The following PAPPA variants were observed in gnomAD, a reference collection of about 807,000 sequenced individuals.
PAPPA encodes pappalysin-1.
In PAPPA, 60 loss-of-function variants were observed where a neutral mutation model predicts 164.0. That is an observed-to-expected ratio of 0.37 (90% CI 0.30 to 0.45). PAPPA has a LOEUF of 0.45. Among genes scored for constraint, PAPPA ranks in the 20% least tolerant of loss-of-function variants. PAPPA has a pLI of 1.00. For missense variants in PAPPA, 1,782 were observed against 2,087.3 expected, an observed-to-expected ratio of 0.85 and a Z score of 2.85; for synonymous variants, 875 against 814.1, an observed-to-expected ratio of 1.07 and a Z score of -1.27.
At chr9:116,272,181 G>A (rs993689102) in intron 9 of PAPPA, among the ~76,000 whole-genome samples, 1 of 152,176 alleles carries the variant, frequency 6.6e-6, no homozygotes, top group African/African-American at 2.4e-5. Context: ...GGGCAGGGGT[G>A]GAATTTTGAG....
chr9:116,183,622 T>C (rs1207873119), intron 1 of PAPPA, among the ~76,000 whole-genome samples: 1 of 152,192 alleles, frequency 6.6e-6, no homozygotes, highest in Non-Finnish European at 1.5e-5. Context: ...CCCAACCTTA[T>C]TGAAGCTCGG....
chr9:116,214,029 G>A (rs1383149111), intron 4 of PAPPA, among the ~76,000 whole-genome samples: 5 of 152,082 alleles, frequency 3.3e-5, no homozygotes, highest in Non-Finnish European at 7.3e-5. Flanking sequence ...TTCTTCCTCA[G>A]GCCTGATCAC....
In PAPPA at chr9:116,187,336, G is replaced by A. The variant is rs1038279802; in HGVS notation, c.598G>A (p.Ala200Thr). ...SYLPGQWVYLAATYDGQFMKL... is the reference protein window; with the variant it reads ...SYLPGQWVYLTATYDGQFMKL... ...CCTCCCAGGCCAGTGGGTATACCTA[G>A]CTGCCACCTATGATGGGCAGTTCAT... The change falls in exon 2 of 22, where the codon GCT becomes ACT. Residue 200 changes from alanine (A) to threonine (T), a missense_variant. Physicochemically the swap from Ala to Thr is moderately conservative, Grantham distance 58. Coordinates refer to ENST00000328252, the MANE Select transcript of PAPPA (RefSeq NM_002581.5). This position sits in a 1 kb window ranked among gnomAD's most constrained non-coding sequence, Gnocchi z 4.2. 1 of 1,614,002 alleles carries A rather than the reference G, an allele frequency of 6.2e-7. No homozygotes were observed. The highest frequency in any genetic ancestry group is 1.7e-5 in the Admixed American group (1 of 60,008).
intron 5 of PAPPA, among the ~76,000 whole-genome samples, chr9:116,225,328 T>C (rs901529738): frequency 2.0e-5 from 3 of 152,228 alleles, no homozygotes; most frequent in Non-Finnish European, 2.9e-5. Context: ...TGAGTATATT[T>C]GTATAATTGT....
intron 9 of PAPPA, among the ~76,000 whole-genome samples, chr9:116,284,230 G>C (rs1233127559): frequency 1.3e-5 from 2 of 152,180 alleles, no homozygotes; most frequent in East Asian, 3.9e-4. Flanking sequence ...GTCCCCGGAA[G>C]AGATTGAGCA....
chr9:116,337,258 A>AAT (rs1318746144), intron 13 of PAPPA, among the ~76,000 whole-genome samples: 5 of 152,164 alleles, frequency 3.3e-5, no homozygotes, highest in Non-Finnish European at 2.9e-5. Context: ...TCAGGCTATG[A>AAT]CAGGCTGAAT....
rs371211464 is a variant in PAPPA at position 116,207,436 on chromosome 9, A to T, written c.1479-20A>T. 6.3e-7 allele frequency: 1 copy of T among 1,595,356 alleles called. No homozygotes were observed. Among genetic ancestry groups the T allele is most frequent in the Non-Finnish European group, 8.5e-7 (1 of 1,170,186 alleles). ...CTTTTTGGGGGCATGATAACAGCCAAGGTTCTTTTTCTGTTTCAGAGCCTA... is the reference window on the plus strand; with the variant it reads ...CTTTTTGGGGGCATGATAACAGCCATGGTTCTTTTTCTGTTTCAGAGCCTA... On this transcript the variant is annotated intron_variant, in intron 2 of 21. Coordinates refer to ENST00000328252, the MANE Select transcript of PAPPA (RefSeq NM_002581.5).
Position 116,154,891 on chromosome 9 carries a change from G to C in PAPPA, c.415+304G>C, listed in dbSNP as rs544800955. Among the ~76,000 whole-genome samples the C allele has an allele frequency of 8.7e-4, 132 of 152,226 alleles. No individual in the cohort carries two copies. The highest frequency in any genetic ancestry group is 1.5e-3 in the Non-Finnish European group (103 of 68,028). ...CCGGAGCCTAGGGCACGTAACCCGT[G>C]CTCCGAATGGTCAGATGCACTCTCT... On this transcript the variant is annotated intron_variant, in intron 1 of 21. Coordinates refer to ENST00000328252, the MANE Select transcript of PAPPA (RefSeq NM_002581.5). This position sits in a 1 kb window ranked among gnomAD's most constrained non-coding sequence, Gnocchi z 5.2.
At chr9:116,237,054 A>G (rs1427690272) in intron 7 of PAPPA, among the ~76,000 whole-genome samples, 1 of 152,242 alleles carries the variant, frequency 6.6e-6, no homozygotes, top group East Asian at 1.9e-4. Context: ...ATGTAAGACA[A>G]TCTCTGCTCT....
chr9:116,360,566 T>A lies in PAPPA; in HGVS notation c.4348-2026T>A, dbSNP rs901422943. Reference sequence around the variant, plus strand: ...AGGAGTTTATTCATTTTCTCATACATTCATTCATAATTTATTCCCTCATTC... The same window carrying A: ...AGGAGTTTATTCATTTTCTCATACAATCATTCATAATTTATTCCCTCATTC... On this transcript the variant is annotated intron_variant, in intron 17 of 21. Transcript: ENST00000328252. Among the ~76,000 whole-genome samples the A allele has an allele frequency of 3.3e-5, 5 of 152,218 alleles. No individual in the cohort carries two copies. The South Asian group carries it at 1.0e-3, about 32-fold the overall frequency.
intron 1 of PAPPA, among the ~76,000 whole-genome samples, chr9:116,175,941 A>G (rs1003946125): frequency 6.6e-6 from 1 of 152,218 alleles, no homozygotes; most frequent in Non-Finnish European, 1.5e-5. Context: ...TGCCCTCAAC[A>G]ACTACATGTG....
chr9:116,310,393 G>T (rs1845701914), intron 10 of PAPPA, among the ~76,000 whole-genome samples: 1 of 152,170 alleles, frequency 6.6e-6, no homozygotes, highest in East Asian at 1.9e-4. Context: ...TTTTTCAAGA[G>T]CACGTGTGCA....
At chr9:116,331,128 T>G in intron 10 of PAPPA, 116 bp from the exon 11 acceptor site, 2 of 647,954 alleles carry the variant, frequency 3.1e-6, no homozygotes, top group Non-Finnish European at 5.4e-6. Context: ...TCATCCCTGT[T>G]TTTTCCTGTG....
At chr9:116,288,253 C>A (rs1429137599) in intron 9 of PAPPA, among the ~76,000 whole-genome samples, 1 of 152,026 alleles carries the variant, frequency 6.6e-6, no homozygotes, top group Non-Finnish European at 1.5e-5. Context: ...CCTGTAATCC[C>A]AGCTACTTGG....
chr9:116,363,752 AAC>A (rs1315946230), intron 18 of PAPPA, among the ~76,000 whole-genome samples: 17 of 152,186 alleles, frequency 1.1e-4, no homozygotes, highest in African/African-American at 3.9e-4. Context: ...TCATCCAGCA[AAC>A]AGAGAGTTAT....
At position 116,187,453 on chromosome 9, in the gene PAPPA, A is replaced by C. The variant is rs377335507; in HGVS notation, c.715A>C (p.Met239Leu). 55 of 1,614,080 alleles carry C rather than the reference A, an allele frequency of 3.4e-5. No homozygotes were observed. Among genetic ancestry groups the C allele is most frequent in the Non-Finnish European group, 4.5e-5 (53 of 1,180,062 alleles). Reference sequence around the variant, plus strand: ...ACTGACCCAGAAGTGCAAAGTGCTCATGTTAGGGGGCAGTGCCCTGAATCA... The same window carrying C: ...ACTGACCCAGAAGTGCAAAGTGCTCCTGTTAGGGGGCAGTGCCCTGAATCA... ...SPLTQKCKVL[M>L]LGGSALNHNY... Residue 239 changes from methionine to leucine, a missense_variant, in exon 2 of 22, where the codon ATG becomes CTG. Around this residue, in one of 2 missense-constraint regions of PAPPA, gnomAD observed 458 missense variants for 430.3 expected, o/e 1.06. Coordinates refer to ENST00000328252, the MANE Select transcript of PAPPA (RefSeq NM_002581.5). The surrounding 1 kb of genome is among the most constrained non-coding windows in gnomAD (Gnocchi z 4.2).
intron 6 of PAPPA, among the ~76,000 whole-genome samples, chr9:116,230,968 T>C (rs557251691): frequency 6.6e-6 from 1 of 152,160 alleles, no homozygotes; most frequent in Non-Finnish European, 1.5e-5. Flanking sequence ...CATTTGTGTG[T>C]TTTCTCTATT....
chr9:116,185,066 A>G (rs1359737286), intron 1 of PAPPA, among the ~76,000 whole-genome samples: 1 of 152,232 alleles, frequency 6.6e-6, no homozygotes, highest in African/African-American at 2.4e-5. Flanking sequence ...GGAAGTCAGG[A>G]TGAACTTCTT....
intron 2 of PAPPA, among the ~76,000 whole-genome samples, chr9:116,203,502 T>G (rs909089841): frequency 2.0e-5 from 3 of 152,110 alleles, no homozygotes; most frequent in Non-Finnish European, 4.4e-5. Context: ...CAAAGCAGAT[T>G]GATAAGTACT....
Sources: gnomAD v4.1 joint callset for allele counts (sites outside exome capture counted in the v4.1 genomes callset) on GRCh38, gnomAD v4.1.1 for gene constraint, gnomAD v4.1.1 regional missense constraint, Gnocchi (gnomAD v3.1) non-coding constraint, MANE v1.5 for transcripts, NCBI Gene and HGNC (gene_info 2026-07-23, HGNC 2026-07-21) for gene names.